The following MAP6 variants were observed in gnomAD, a reference collection of about 807,000 sequenced individuals.
MAP6 encodes the protein microtubule associated protein 6, also known as microtubule-associated protein 6.
In MAP6, 26 loss-of-function variants were observed where a neutral mutation model predicts 42.4. The observed-to-expected ratio is 0.61, with a 90% CI of 0.45 to 0.85. The LOEUF (loss-of-function observed/expected upper bound fraction) is 0.85, where lower values mean the gene tolerates loss of function less well. Ranked by LOEUF, MAP6 falls within the 40% of genes least tolerant of loss-of-function variation. The pLI, the probability that MAP6 is intolerant of heterozygous loss-of-function variation, is 0.00. For synonymous variants in MAP6, 418 were observed against 443.8 expected (o/e 0.94, Z 0.73); for missense variants, 966 against 1,099.0 (o/e 0.88, Z 1.71).
chr11:75,630,448 G>A (rs1395618782), intron 1 of MAP6, among the ~76,000 whole-genome samples: 1 of 152,150 alleles, frequency 6.6e-6, no homozygotes, highest in African/African-American at 2.4e-5. Flanking sequence ...GCATTGAAAT[G>A]AATCTGTTTC....
intron 3 of MAP6, 53 bp downstream of exon 3, chr11:75,605,755 T>A (rs1406121573): frequency 1.3e-6 from 2 of 1,569,526 alleles, no homozygotes; most frequent in Non-Finnish European, 8.6e-7. Context: ...AAAAAAAAAG[T>A]TGGGGGGAGG....
chr11:75,612,196 G>C (rs2135596126), intron 1 of MAP6, among the ~76,000 whole-genome samples: 1 of 152,338 alleles, frequency 6.6e-6, no homozygotes, highest in Admixed American at 6.5e-5. Flanking sequence ...CCTGTAACAT[G>C]GTCTCCCCTT....
In MAP6 at chr11:75,586,983, A is replaced by G. The variant is rs1592212815; in HGVS notation, c.*76T>C. On this transcript the variant is annotated 3_prime_UTR_variant, in exon 4 of 4. Transcript: ENST00000304771. ...ACTGTACATGTTTCATGCAGATTAA[A>G]TATGTGTCTTCACTGCCCCTGGGAG... 1 of 1,411,716 alleles carries G rather than the reference A, an allele frequency of 7.1e-7. No homozygotes were observed. The highest frequency in any genetic ancestry group is 2.3e-5 in the East Asian group (1 of 43,472). 87.4% of individuals were successfully genotyped at this position (1,411,716 alleles called of 1,614,324 possible).
chr11:75,594,470 G>C (rs1004254746), intron 3 of MAP6: 8 of 152,234 alleles, frequency 5.3e-5, no homozygotes. Context: ...GCAGGAGACA[G>C]GAGTTCTCAA....
intron 1 of MAP6, among the ~76,000 whole-genome samples, chr11:75,644,530 T>C (rs1036820595): frequency 6.6e-6 from 1 of 152,224 alleles, no homozygotes; most frequent in Non-Finnish European, 1.5e-5. Flanking sequence ...TTATCTTTAT[T>C]ATCTCTTAAT....
Position 75,658,399 on chromosome 11 carries a change from C to T in MAP6, c.905+9066G>A, listed in dbSNP as rs998067102. ...GCTCAGTGTATACCATTTCTCCACC[C>T]CCCCCGCCCCAGACAGCCAAAACAT... On this transcript the variant is annotated intron_variant, in intron 1 of 3. Coordinates refer to ENST00000304771, the MANE Select transcript of MAP6 (RefSeq NM_033063.2). Among the ~76,000 whole-genome samples the T allele has an allele frequency of 2.3e-4, 24 of 104,098 alleles. 1 individual carries two copies. In the East Asian group the frequency reaches 3.4e-3, roughly 15 times the overall value. 68.3% of individuals were successfully genotyped at this position (104,098 alleles called of 152,430 possible).
At chr11:75,609,269 G>C (rs1280672405) in intron 1 of MAP6, among the ~76,000 whole-genome samples, 1 of 152,204 alleles carries the variant, frequency 6.6e-6, no homozygotes, top group Non-Finnish European at 1.5e-5. Flanking sequence ...AAGTGCACGA[G>C]AGTCAATGCA....
chr11:75,617,701 T>C (rs1412718371), intron 1 of MAP6, among the ~76,000 whole-genome samples: 1 of 151,764 alleles, frequency 6.6e-6, no homozygotes, highest in Non-Finnish European at 1.5e-5. Context: ...TTAAGACAAG[T>C]ACACTTACAA....
chr11:75,590,943 G>A (rs1237888920), intron 3 of MAP6, among the ~76,000 whole-genome samples: 1 of 151,808 alleles, frequency 6.6e-6, no homozygotes, highest in Admixed American at 6.6e-5. Flanking sequence ...CTCTAACCTG[G>A]GTGACACAGT....
At chr11:75,611,617 T>TA (rs1942899036) in intron 1 of MAP6, among the ~76,000 whole-genome samples, 1 of 151,974 alleles carries the variant, frequency 6.6e-6, no homozygotes, top group African/African-American at 2.4e-5. Context: ...AGCCAAATAA[T>TA]AAAAAATGAA....
At chr11:75,637,321 C>A (rs903732230) in intron 1 of MAP6, among the ~76,000 whole-genome samples, 1 of 152,174 alleles carries the variant, frequency 6.6e-6, no homozygotes, top group Non-Finnish European at 1.5e-5. Context: ...GCAAGAAAAG[C>A]ATTTACTGAC....
At chr11:75,644,934 T>C (rs12293576) in intron 1 of MAP6, among the ~76,000 whole-genome samples, 10,432 of 152,216 alleles carry the variant, frequency 0.069, 514 homozygotes, top group East Asian at 0.14. Context: ...CAGGAAACCC[T>C]GAATCAGAGC....
chr11:75,588,061 C>A lies in MAP6; in HGVS notation c.1440G>T (p.Glu480Asp), dbSNP rs1471026692. The A allele has an allele frequency of 6.2e-7, 1 of 1,614,028 alleles. No homozygotes were observed. The change falls in exon 4 of 4, where the codon GAG (glutamate) becomes GAT (aspartate). Residue 480 changes from glutamate to aspartate, a missense_variant. Glu to Asp is a conservative substitution (Grantham distance 45). Coordinates refer to ENST00000304771, the MANE Select transcript of MAP6 (RefSeq NM_033063.2). The stretch of plus-strand genomic sequence containing the variant: ...CCACAGAACCTTGCTTCTTCAGAGG[C>A]TCTTGCACCATAGGACCTTGACCTT... ...LLKGQGPMVQ[E>D]PLKKQGSVVP...
chr11:75,642,389 T>C (rs145495373), intron 1 of MAP6, among the ~76,000 whole-genome samples: 2 of 152,372 alleles, frequency 1.3e-5, no homozygotes, highest in East Asian at 1.9e-4. Context: ...AGTTGTTACA[T>C]TGTAAATAGC....
intron 1 of MAP6, among the ~76,000 whole-genome samples, chr11:75,655,569 T>C (rs770143571): frequency 3.9e-5 from 6 of 152,242 alleles, no homozygotes; most frequent in Non-Finnish European, 8.8e-5. Context: ...CACACCCAGA[T>C]GCCTGGGCCT....
intron 1 of MAP6, among the ~76,000 whole-genome samples, chr11:75,615,847 A>G (rs1942985794): frequency 1.3e-5 from 2 of 152,016 alleles, no homozygotes; most frequent in African/African-American, 4.8e-5. Flanking sequence ...CAGTCATTCA[A>G]CGGGAGATAC....
intron 1 of MAP6, among the ~76,000 whole-genome samples, chr11:75,633,003 CTTTTTTCT>C (rs1201661121): frequency 6.8e-6 from 1 of 146,910 alleles, no homozygotes; most frequent in African/African-American, 2.5e-5. Flanking sequence ...TTCTTTTTTT[CTTTTTTCT>C]TTTTTTTTTT....
intron 1 of MAP6, among the ~76,000 whole-genome samples, chr11:75,656,321 A>G (rs1334065514): frequency 1.3e-5 from 2 of 152,240 alleles, no homozygotes; most frequent in African/African-American, 4.8e-5. Context: ...AAAAGAGGTT[A>G]CACCAGGCCT....
At chr11:75,637,252 G>A (rs1242295470) in intron 1 of MAP6, among the ~76,000 whole-genome samples, 1 of 152,180 alleles carries the variant, frequency 6.6e-6, no homozygotes, top group Non-Finnish European at 1.5e-5. Flanking sequence ...AAATGTAAAA[G>A]TTAATGGCAG....
Sources: gnomAD v4.1 joint callset for allele counts (sites outside exome capture counted in the v4.1 genomes callset) on GRCh38, gnomAD v4.1.1 for gene constraint, MANE v1.5 for transcripts, NCBI Gene and HGNC (gene_info 2026-07-23, HGNC 2026-07-21) for gene names.